Variants in ZZEF1 observed in about 807,000 individuals in gnomAD.
ZZEF1 encodes zinc finger ZZ-type and EF-hand domain containing 1.
In ZZEF1, 157 loss-of-function variants were observed where a neutral mutation model predicts 342.8. That is an observed-to-expected ratio of 0.46 (90% CI 0.40 to 0.52). The LOEUF is 0.52. Among genes scored for constraint, ZZEF1 ranks in the 20% least tolerant of loss-of-function variants. The pLI is 0.00. For missense variants in ZZEF1, 3,480 were observed against 3,725.6 expected (o/e 0.93, Z 1.72); for synonymous variants, 1,505 against 1,429.1 (o/e 1.05, Z -1.20).
chr17:4,099,778 T>G (rs907986135), intron 9 of ZZEF1, among the ~76,000 whole-genome samples: 1 of 152,158 alleles, frequency 6.6e-6, no homozygotes, highest in Non-Finnish European at 1.5e-5. Flanking sequence ...ACTCCTGACC[T>G]CAGGTGATCT....
chr17:4,109,557 G>A (rs1418081114), intron 6 of ZZEF1, 96 bp downstream of exon 6: 4 of 1,358,472 alleles, frequency 2.9e-6, no homozygotes, highest in African/African-American at 2.9e-5. Flanking sequence ...GAGCCACAAC[G>A]ATCAATGATG....
chr17:4,124,742 G>C (rs1237601495), intron 1 of ZZEF1, among the ~76,000 whole-genome samples: 1 of 151,946 alleles, frequency 6.6e-6, no homozygotes, highest in Non-Finnish European at 1.5e-5. Flanking sequence ...ACAGGTGTGG[G>C]CCACCGCGTC....
chr17:4,033,889 CA>C, intron 40 of ZZEF1, 125 bp downstream of exon 40: 1 of 1,314,504 alleles, frequency 7.6e-7, no homozygotes, highest in East Asian at 2.3e-5. Flanking sequence ...TCTATTTCCA[CA>C]AAACTCTCAG....
chr17:4,108,502 C>T (rs929824740), intron 6 of ZZEF1, among the ~76,000 whole-genome samples: 5 of 152,160 alleles, frequency 3.3e-5, no homozygotes, highest in Non-Finnish European at 7.3e-5. Context: ...CAGAGTGTTT[C>T]GCTGGATCCT....
rs76292846 is a variant in ZZEF1, at chr17:4,015,261, A to G, written c.8146-746T>C. On this transcript the variant is annotated intron_variant, in intron 49 of 54. Transcript: ENST00000381638. ...GACCACATGTGCCTGTATGGGACCAAGGGAGTGGGGCTGGAGCCCAGGAAC... is the reference window on the plus strand; with the variant it reads ...GACCACATGTGCCTGTATGGGACCAGGGGAGTGGGGCTGGAGCCCAGGAAC... 4.9e-3 allele frequency among the ~76,000 whole-genome samples: 746 copies of G among 152,366 alleles called. 5 individuals carry two copies. Among genetic ancestry groups the G allele is most frequent in the African/African-American group, 0.017 (725 of 41,588 alleles).
At chr17:4,095,794 T>A (rs751932720) in intron 11 of ZZEF1, 37 bp downstream of exon 11, 9 of 1,575,068 alleles carry the variant, frequency 5.7e-6, no homozygotes, top group Non-Finnish European at 7.8e-6. Flanking sequence ...TTTTGTTCTG[T>A]AGATCTTTGT....
In ZZEF1 at chr17:4,062,300, G is replaced by GTC. The variant is rs1567805511; in HGVS notation, c.4883+451_4883+452dup. ...TTTTTCATTTATTTGGTTTTTTACT[G>GTC]TCTCTCTCTCCTCAATATAATATAA... On this transcript the variant is annotated intron_variant, in intron 30 of 54. Coordinates refer to ENST00000381638, the MANE Select transcript of ZZEF1 (RefSeq NM_015113.4). Among the ~76,000 whole-genome samples the GTC allele has an allele frequency of 3.3e-5, 5 of 151,160 alleles. No homozygotes were observed. In the Admixed American group the frequency reaches 3.3e-4, roughly 10 times the overall value.
chr17:4,044,001 T>C (rs1400659181), intron 38 of ZZEF1, among the ~76,000 whole-genome samples: 2 of 152,198 alleles, frequency 1.3e-5, no homozygotes, highest in African/African-American at 2.4e-5. Flanking sequence ...GTTTGGCATA[T>C]AGAAAGCACT....
Position 4,016,276 on chromosome 17 carries a change from C to T in ZZEF1, c.8145+47G>A, listed in dbSNP as rs2056097987. ...CTGAGCACGGAGGGGCTGACGAGGT[C>T]TCTGCGGCTCAGTCGCTCTTATGGG... On this transcript the variant is annotated intron_variant, in intron 49 of 54. Coordinates refer to ENST00000381638, the MANE Select transcript of ZZEF1 (RefSeq NM_015113.4). This position sits in a 1 kb window ranked among gnomAD's most constrained non-coding sequence, Gnocchi z 4.4. 6.3e-7 allele frequency: 1 copy of T among 1,578,152 alleles called. No individual in the cohort carries two copies. The highest frequency in any genetic ancestry group is 8.6e-7 in the Non-Finnish European group (1 of 1,167,120).
intron 12 of ZZEF1, 110 bp downstream of exon 12, chr17:4,090,609 G>A: frequency 2.5e-6 from 2 of 791,094 alleles, no homozygotes; most frequent in Admixed American, 2.0e-5. Flanking sequence ...CTCCCTGAAG[G>A]TAGATTCGCC....
At chr17:4,130,271 T>C (rs7218837) in intron 1 of ZZEF1, among the ~76,000 whole-genome samples, 23,538 of 151,932 alleles carry the variant, frequency 0.15, 2,008 homozygotes, top group African/African-American at 0.22. Flanking sequence ...CTGGCCAACA[T>C]GCGAAACCAC....
At chr17:4,040,013 T>G (rs1214744421) in intron 39 of ZZEF1, among the ~76,000 whole-genome samples, 1 of 152,166 alleles carries the variant, frequency 6.6e-6, no homozygotes, top group Non-Finnish European at 1.5e-5. Context: ...TGACACGGTC[T>G]AATGAAACGT....
At chr17:4,063,364 C>A (rs1267957858) in intron 29 of ZZEF1, among the ~76,000 whole-genome samples, 1 of 152,106 alleles carries the variant, frequency 6.6e-6, no homozygotes, top group African/African-American at 2.4e-5. Context: ...TTCCTTGAAC[C>A]CAGGCATTTG....
intron 52 of ZZEF1, among the ~76,000 whole-genome samples, chr17:4,011,363 C>T (rs1315280965): frequency 2.6e-5 from 4 of 151,710 alleles, no homozygotes; most frequent in African/African-American, 4.9e-5. Flanking sequence ...GAGATGGTGC[C>T]ACTGCACTCC....
intron 39 of ZZEF1, among the ~76,000 whole-genome samples, chr17:4,036,776 TAC>T (rs761229612): frequency 0.013 from 1,281 of 99,898 alleles, 12 homozygotes; most frequent in South Asian, 0.06. Context: ...ATATATAGAA[TAC>T]ACACACACAC....
chr17:4,117,053 G>C lies in ZZEF1; in HGVS notation c.613C>G (p.Leu205Val), dbSNP rs773855127. ...LSSAVMPYPM[L>V]EHCNNMCTMR... The stretch of plus-strand genomic sequence containing the variant: ...GTGCACATGTTATTGCAGTGCTCCA[G>C]CATCGGGTAGGGCATCACCGCGCTG... The change falls in exon 3 of 55, where the codon CTG becomes GTG. Residue 205 changes from leucine to valine, a missense_variant. Transcript: ENST00000381638. The C allele has an allele frequency of 1.9e-6, 3 of 1,614,150 alleles. No homozygotes were observed. The highest frequency in any genetic ancestry group is 1.3e-5 in the African/African-American group (1 of 75,064).
rs369136525 is a variant in ZZEF1 at position 4,130,043 on chromosome 17, G to GA, written c.355-5993dup. 2.1e-3 allele frequency among the ~76,000 whole-genome samples: 319 copies of GA among 152,218 alleles called. 2 individuals are homozygous for GA. Among genetic ancestry groups the GA allele is most frequent in the African/African-American group, 7.2e-3 (301 of 41,520 alleles). The stretch of plus-strand genomic sequence containing the variant: ...GAGGGTGAGAGGAGGGAGAGGACCA[G>GA]AAAAAATAACTATTGGGTGCTGGGC... On this transcript the variant is annotated intron_variant, in intron 1 of 54. Coordinates refer to ENST00000381638, the MANE Select transcript of ZZEF1 (RefSeq NM_015113.4).
At position 4,093,498 on chromosome 17, in the gene ZZEF1, A is replaced by G. The variant is rs142268988; in HGVS notation, c.1913+2333T>C. ...CCGAACCTTTGCCAGGAATGCTGCT[A>G]AAGGAATTGCAGCAAGAAGAGCGAA... On this transcript the variant is annotated intron_variant, in intron 11 of 54. Coordinates refer to ENST00000381638, the MANE Select transcript of ZZEF1 (RefSeq NM_015113.4). Among the ~76,000 whole-genome samples, 140 of 152,332 alleles carry G rather than the reference A, an allele frequency of 9.2e-4. 1 individual carries two copies. The highest frequency in any genetic ancestry group is 3.0e-3 in the African/African-American group (125 of 41,586).
rs372152857 is a variant in ZZEF1 at position 4,088,810 on chromosome 17, G to A, written c.2109C>T (p.Leu703=). The change falls in exon 13 of 55, where the codon CTC becomes CTT. Residue 703 remains leucine (L), a synonymous_variant. Coordinates refer to ENST00000381638, the MANE Select transcript of ZZEF1 (RefSeq NM_015113.4). ...GTTCTGCTTCTGCTCTTGCAGGCCG[G>A]AGGTACCCACTGATGGTCAAGCCTT... ...GVQGLTISGY[L]RPARAEAEQS... is the part of the protein sequence containing the mutation. The A allele has an allele frequency of 1.4e-5, 23 of 1,614,152 alleles. No homozygotes were observed. Among genetic ancestry groups the A allele is most frequent in the Middle Eastern group, 1.6e-4 (1 of 6,062 alleles).
Sources: allele counts gnomAD v4.1 joint callset (sites outside exome capture counted in the v4.1 genomes callset), GRCh38; gene constraint gnomAD v4.1.1; non-coding constraint Gnocchi (gnomAD v3.1); transcripts MANE v1.5; gene names NCBI Gene and HGNC (gene_info 2026-07-23, HGNC 2026-07-21).